The following POM121 variants were observed in gnomAD, a reference collection of about 807,000 sequenced individuals.
POM121 encodes the protein nuclear envelope pore membrane protein POM 121.
Under a neutral mutation model 81.3 loss-of-function variants are expected in POM121, and 32 were observed. The observed-to-expected ratio is 0.39, with a 90% confidence interval of 0.30 to 0.53. The LOEUF is 0.53. Ranked by LOEUF, POM121 falls within the 20% of genes least tolerant of loss-of-function variation. The probability of loss-of-function intolerance (pLI) is 0.66; values close to 1 mark genes in which losing one functional copy is unlikely to be tolerated. For synonymous variants in POM121, 514 were observed against 694.2 expected, an observed-to-expected ratio of 0.74 and a Z score of 4.08; for missense variants, 1,138 against 1,614.6, an observed-to-expected ratio of 0.70 and a Z score of 5.06.
At chr7:72,879,547 G>T in exon 1 of POM121, 1 of 269,094 alleles carries the variant, frequency 3.7e-6, no homozygotes, top group South Asian at 3.0e-5. Flanking sequence ...GGACCCCCGA[G>T]CGTGAACCCC....
chr7:72,889,510 CT>C (rs1344309439), intron 1 of POM121, among the ~76,000 whole-genome samples: 9,352 of 143,354 alleles, frequency 0.065, 819 homozygotes, highest in African/African-American at 0.21. Context: ...TTGCATTTTT[CT>C]TTTTTTTTTT....
Position 72,939,451 on chromosome 7 carries a change from G to A in POM121, c.1441+42G>A, listed in dbSNP as rs200780190. 3.7e-5 allele frequency: 60 copies of A among 1,611,616 alleles called. No individual in the cohort carries two copies. The East Asian group carries it at 1.3e-3, about 35-fold the overall frequency. On this transcript the variant is annotated intron_variant, in intron 7 of 12. Coordinates refer to ENST00000434423, the MANE Select transcript of POM121 (RefSeq NM_001387691.1). ...GGAGGAGGGGCTGCTGTTGGTGGTG[G>A]AGGTGTTTGTGGAGGATGTAGAGAT...
At position 72,914,281 on chromosome 7, in the gene POM121, C is replaced by T. The variant is rs1439840675; in HGVS notation, c.-152+453C>T. 1.2e-4 allele frequency among the ~76,000 whole-genome samples: 18 copies of T among 152,304 alleles called. No homozygotes were observed. The South Asian group carries it at 2.7e-3, about 23-fold the overall frequency. ...TGAAGATGCCTCTAAATGATTCCAG[C>T]CCCCTCCCACTGATCACACTTAAGA... On this transcript the variant is annotated intron_variant, in intron 4 of 15. Transcript: ENST00000395270.
intron 4 of POM121, among the ~76,000 whole-genome samples, chr7:72,918,180 C>A (rs1308390935): frequency 1.3e-5 from 2 of 152,146 alleles, no homozygotes; most frequent in Admixed American, 6.5e-5. Flanking sequence ...TGCGGGCAAG[C>A]CTGACTGATG....
At chr7:72,936,744 G>A (rs1377693372) in intron 5 of POM121, among the ~76,000 whole-genome samples, 1 of 152,120 alleles carries the variant, frequency 6.6e-6, no homozygotes, top group East Asian at 1.9e-4. Context: ...CTTGCTCAGT[G>A]ATGTGTATCC....
intron 10 of POM121, among the ~76,000 whole-genome samples, chr7:72,941,511 C>T (rs1298349137): frequency 6.8e-6 from 1 of 147,132 alleles, no homozygotes; most frequent in Admixed American, 6.8e-5. Flanking sequence ...GTGCTCTTAG[C>T]GCCTGGCAGG....
At position 72,925,158 on chromosome 7, in the gene POM121, C is replaced by G; in HGVS notation, c.37C>G (p.Arg13Gly). Residue 13 changes from arginine to glycine, a missense_variant, in exon 1 of 13, where the codon CGG (arginine) becomes GGG (glycine). Physicochemically the swap from Arg to Gly is moderately radical, Grantham distance 125. Around this residue, in one of 7 missense-constraint regions of POM121, gnomAD observed 646 missense variants for 633.5 expected, o/e 1.02. Coordinates refer to ENST00000434423, the MANE Select transcript of POM121 (RefSeq NM_001387691.1). The stretch of plus-strand genomic sequence containing the variant: ...GGCTGCGGCGGCTGGAGCAGGCGAG[C>G]GGCGGCGGCCCATAGCGAGTGTCAG... The part of the protein sequence containing the change: ...PAAAAAGAGE[R>G]RRPIASVRDG... The G allele has an allele frequency of 2.0e-6, 3 of 1,476,936 alleles. No homozygotes were observed. 91.5% of individuals were successfully genotyped at this position (1,476,936 alleles called of 1,614,324 possible). A position where few individuals can be genotyped will look rare whatever the true frequency, so the allele number is the denominator to read the frequency against.
At chr7:72,886,152 A>ATTATTTAT (rs1790686045) in intron 1 of POM121, among the ~76,000 whole-genome samples, 1 of 139,634 alleles carries the variant, frequency 7.2e-6, no homozygotes, top group African/African-American at 3.2e-5. Flanking sequence ...TTAATTAAAC[A>ATTATTTAT]GTATTTATTT....
At chr7:72,919,003 G>A (rs1343796717) in intron 4 of POM121, among the ~76,000 whole-genome samples, 2 of 152,064 alleles carry the variant, frequency 1.3e-5, no homozygotes, top group African/African-American at 4.8e-5. Context: ...GTTTCACCGT[G>A]TTAACCAGGA....
At chr7:72,890,222 T>C (rs1554490665) in intron 1 of POM121, among the ~76,000 whole-genome samples, 1 of 151,980 alleles carries the variant, frequency 6.6e-6, no homozygotes, top group South Asian at 2.1e-4. Context: ...AGGAACTGAG[T>C]GGTGGGCACT....
chr7:72,948,429 C>T (rs143664457), downstream of POM121: 53 of 1,613,258 alleles, frequency 3.3e-5, no homozygotes, highest in Non-Finnish European at 4.2e-5. Flanking sequence ...GGGTCTTCCA[C>T]GGAGAGGACA....
intron 3 of POM121, among the ~76,000 whole-genome samples, chr7:72,900,331 A>G (rs1283046429): frequency 6.9e-6 from 1 of 145,706 alleles, no homozygotes; most frequent in Admixed American, 6.8e-5. Flanking sequence ...CCTCCCTTTT[A>G]TTCCTGATGC....
chr7:72,923,120 C>CCG (rs1794978890), upstream of POM121, among the ~76,000 whole-genome samples: 1 of 149,864 alleles, frequency 6.7e-6, no homozygotes, highest in African/African-American at 2.5e-5. Context: ...CCAACCCCCC[C>CCG]CCCCTTTTTT....
chr7:72,917,701 C>T (rs1412440662), intron 4 of POM121, among the ~76,000 whole-genome samples: 7 of 152,236 alleles, frequency 4.6e-5, no homozygotes, highest in South Asian at 2.1e-4. Context: ...CCCACAGGGT[C>T]GGTGGGCTTC....
At position 72,939,842 on chromosome 7, in the gene POM121, T is replaced by C. The variant is rs1485147990; in HGVS notation, c.1442-5T>C. 3.1e-6 allele frequency: 5 copies of C among 1,610,928 alleles called. No individual in the cohort carries two copies. The highest frequency in any genetic ancestry group is 4.2e-6 in the Non-Finnish European group (5 of 1,179,278). ...AAGCAAACGAGTCTTGATTTCTTTC[T>C]TTAGCTGCAGATACAACCCCAAGGA... On this transcript the variant is annotated splice_polypyrimidine_tract_variant and splice_region_variant and intron_variant, in intron 7 of 12. Coordinates refer to ENST00000434423, the MANE Select transcript of POM121 (RefSeq NM_001387691.1).
chr7:72,937,274 A>C (rs565261468), intron 5 of POM121, among the ~76,000 whole-genome samples: 1 of 152,244 alleles, frequency 6.6e-6, no homozygotes, highest in South Asian at 2.1e-4. Flanking sequence ...AAAGTTCCAC[A>C]GGTGACTGAG....
chr7:72,934,679 A>C (rs1293862038), intron 5 of POM121, among the ~76,000 whole-genome samples: 1 of 152,128 alleles, frequency 6.6e-6, no homozygotes, highest in African/African-American at 2.4e-5. Flanking sequence ...GTTGGAATCA[A>C]AATTAGTTTT....
intron 2 of POM121, 123 bp downstream of exon 2, chr7:72,926,600 T>C: frequency 6.6e-7 from 1 of 1,508,336 alleles, no homozygotes; most frequent in South Asian, 1.2e-5. Flanking sequence ...TGATGAGAAA[T>C]ACCAAATTCT....
intron 1 of POM121, among the ~76,000 whole-genome samples, chr7:72,889,678 T>A (rs1230681105): frequency 2.0e-5 from 3 of 152,206 alleles, no homozygotes; most frequent in African/African-American, 7.2e-5. Context: ...AGCCAATTTT[T>A]AAAAAAATTT....
Sources: allele counts gnomAD v4.1 joint callset (sites outside exome capture counted in the v4.1 genomes callset), GRCh38; gene constraint gnomAD v4.1.1; regional missense constraint gnomAD v4.1.1; transcripts MANE v1.5; gene names NCBI Gene and HGNC (gene_info 2026-07-23, HGNC 2026-07-21).